The following NRXN3 variants were observed in gnomAD, a reference collection of about 807,000 sequenced individuals.
NRXN3 encodes the protein neurexin 3.
A neutral mutation model predicts 137.6 loss-of-function variants in NRXN3; 32 were observed. The observed-to-expected ratio is 0.23, with a 90% CI of 0.18 to 0.31. The LOEUF is 0.31. NRXN3 is among the 10% of genes least tolerant of loss of function. NRXN3 has a pLI of 1.00. For missense variants in NRXN3, 1,574 were observed against 2,062.5 expected, an observed-to-expected ratio of 0.76 and a Z score of 4.59; for synonymous variants, 798 against 784.5, an observed-to-expected ratio of 1.02 and a Z score of -0.29.
chr14:79,238,070 G>T (rs546031732), intron 15 of NRXN3, among the ~76,000 whole-genome samples: 1 of 152,202 alleles, frequency 6.6e-6, no homozygotes, highest in Admixed American at 6.5e-5. Context: ...AGATAAGTAT[G>T]GGAGGAATGA....
chr14:78,783,526 A>C (rs978704973), intron 8 of NRXN3, among the ~76,000 whole-genome samples: 16 of 152,206 alleles, frequency 1.1e-4, no homozygotes, highest in Admixed American at 9.8e-4. Flanking sequence ...GAAGTTTAAA[A>C]TATTGAATCA....
chr14:79,842,316 G>A (rs1040283673), intron 20 of NRXN3, among the ~76,000 whole-genome samples: 1 of 152,194 alleles, frequency 6.6e-6, no homozygotes, highest in African/African-American at 2.4e-5. Context: ...TTCGTTACTA[G>A]GGAAGATGTG....
intron 15 of NRXN3, among the ~76,000 whole-genome samples, chr14:79,333,885 C>T (rs1007187731): frequency 6.6e-6 from 1 of 152,104 alleles, no homozygotes; most frequent in Middle Eastern, 3.2e-3. Flanking sequence ...GAATTTGAAT[C>T]AATCTCTTCA....
At chr14:79,398,320 C>T (rs1445790161) in intron 15 of NRXN3, among the ~76,000 whole-genome samples, 2 of 152,138 alleles carry the variant, frequency 1.3e-5, no homozygotes, top group Admixed American at 1.3e-4. Context: ...TTAGAATGCC[C>T]TATCAGGAAG....
chr14:78,782,398 G>A (rs1322269290), intron 8 of NRXN3, among the ~76,000 whole-genome samples: 1 of 152,200 alleles, frequency 6.6e-6, no homozygotes, highest in Admixed American at 6.5e-5. Context: ...TCTCTGGGAG[G>A]CGGGGTACAT....
At chr14:79,656,188 G>T (rs931112584) in intron 16 of NRXN3, among the ~76,000 whole-genome samples, 7 of 152,194 alleles carry the variant, frequency 4.6e-5, no homozygotes, top group African/African-American at 1.7e-4. Flanking sequence ...ACCGCTGGGT[G>T]GTTCCTCACA....
chr14:79,484,104 A>C (rs776541942), intron 16 of NRXN3, among the ~76,000 whole-genome samples: 4 of 152,184 alleles, frequency 2.6e-5, no homozygotes, highest in Admixed American at 6.5e-5. Context: ...GGATCAGTAC[A>C]TGGAGATTCC....
chr14:78,334,496 G>A (rs1212170965), intron 4 of NRXN3, among the ~76,000 whole-genome samples: 1 of 152,166 alleles, frequency 6.6e-6, no homozygotes, highest in African/African-American at 2.4e-5. Context: ...GCTCCTCCCC[G>A]AGGATGATAC....
At chr14:78,367,696 GAAAGA>G (rs1392360040) in intron 4 of NRXN3, among the ~76,000 whole-genome samples, 1 of 152,178 alleles carries the variant, frequency 6.6e-6, no homozygotes, top group East Asian at 1.9e-4. Flanking sequence ...TTTGGAGAAA[GAAAGA>G]AAAGAATAAG....
At chr14:78,861,714 T>C (rs2099072858) in intron 10 of NRXN3, among the ~76,000 whole-genome samples, 1 of 152,150 alleles carries the variant, frequency 6.6e-6, no homozygotes, top group Non-Finnish European at 1.5e-5. Flanking sequence ...CTGTGATGTA[T>C]GTTTAGTCTG....
intron 19 of NRXN3, among the ~76,000 whole-genome samples, chr14:79,723,856 C>A (rs2098860900): frequency 6.6e-6 from 1 of 152,108 alleles, no homozygotes. Flanking sequence ...ATCAGTGGAG[C>A]TGACAAGGGC....
chr14:79,028,182 C>A (rs369276097), intron 15 of NRXN3, among the ~76,000 whole-genome samples: 16 of 152,114 alleles, frequency 1.1e-4, no homozygotes, highest in Admixed American at 2.0e-4. Flanking sequence ...ACATTGATAC[C>A]CAACTCACTA....
chr14:78,364,327 T>C (rs1221708862), intron 4 of NRXN3, among the ~76,000 whole-genome samples: 2 of 152,136 alleles, frequency 1.3e-5, no homozygotes, highest in Admixed American at 1.3e-4. Context: ...CATTTTACTG[T>C]ATGCATAGCT....
At chr14:79,329,997 A>C (rs1002217852) in intron 15 of NRXN3, among the ~76,000 whole-genome samples, 1 of 151,764 alleles carries the variant, frequency 6.6e-6, no homozygotes, top group Non-Finnish European at 1.5e-5. Context: ...ACTTCCAGCT[A>C]ATTTTTGTAT....
At position 78,966,132 on chromosome 14, in the gene NRXN3, C is replaced by G. The variant is rs2099416960; in HGVS notation, c.2503C>G (p.Leu835Val). 1 of 1,614,050 alleles carries G rather than the reference C, an allele frequency of 6.2e-7. No individual in the cohort carries two copies. The highest frequency in any genetic ancestry group is 1.3e-5 in the African/African-American group (1 of 74,930). The part of the protein sequence containing the change: ...SVVPSSFIGH[L>V]QSLMFNGLLY... ...TGTCCCCTCCAGCTTTATTGGCCAT[C>G]TGCAGAGCCTCATGTTTAATGGCCT... The change falls in exon 12 of 21, where the codon CTG becomes GTG. Residue 835 changes from leucine (L) to valine (V), a missense_variant. Leu to Val is a conservative substitution (Grantham distance 32). Around this residue, in one of 5 missense-constraint regions of NRXN3, gnomAD observed 718 missense variants for 887.6 expected, o/e 0.81. Coordinates refer to ENST00000335750, the MANE Select transcript of NRXN3 (RefSeq NM_001330195.2).
At chr14:79,466,645 T>C (rs1357394452) in intron 15 of NRXN3, among the ~76,000 whole-genome samples, 2 of 152,052 alleles carry the variant, frequency 1.3e-5, no homozygotes, top group African/African-American at 4.8e-5. Flanking sequence ...AGCAACACAA[T>C]AGTGAAATAG....
intron 15 of NRXN3, among the ~76,000 whole-genome samples, chr14:79,096,220 G>A (rs1330008965): frequency 6.6e-6 from 1 of 151,496 alleles, no homozygotes; most frequent in Admixed American, 6.6e-5. Context: ...CAGTTCTCCT[G>A]CCTCAGCCTC....
chr14:78,907,988 G>A (rs1338124735), intron 10 of NRXN3, among the ~76,000 whole-genome samples: 1 of 151,938 alleles, frequency 6.6e-6, no homozygotes. Context: ...TTTTTTTATG[G>A]CTGCATAGTA....
At chr14:78,689,951 A>T (rs1000746790) in intron 6 of NRXN3, among the ~76,000 whole-genome samples, 6 of 151,146 alleles carry the variant, frequency 4.0e-5, no homozygotes, top group Non-Finnish European at 5.9e-5. Context: ...TCACTTCTCC[A>T]ACTCAGTTCT....
Sources: gnomAD v4.1 joint callset for allele counts (sites outside exome capture counted in the v4.1 genomes callset) on GRCh38, gnomAD v4.1.1 for gene constraint, gnomAD v4.1.1 regional missense constraint, MANE v1.5 for transcripts, NCBI Gene and HGNC (gene_info 2026-07-23, HGNC 2026-07-21) for gene names.